AKAP6: variants seen among roughly 807,000 people sequenced by gnomAD.
AKAP6 encodes A-kinase anchoring protein 6.
AKAP6 carries 58 observed loss-of-function variants against 188.5 expected under a neutral mutation model. The ratio of observed to expected loss-of-function variants is 0.31; its 90% CI spans 0.25 to 0.38. AKAP6 has a LOEUF of 0.38. Ranked by LOEUF, AKAP6 falls within the 10% of genes least tolerant of loss-of-function variation. The pLI is 1.00. For missense variants in AKAP6, 2,710 were observed against 2,740.0 expected, an observed-to-expected ratio of 0.99 and a Z score of 0.24; for synonymous variants, 989 against 998.6, an observed-to-expected ratio of 0.99 and a Z score of 0.18.
chr14:32,535,535 T>C lies in AKAP6; in HGVS notation c.325-19T>C. On this transcript the variant is annotated intron_variant, in intron 2 of 13. Coordinates refer to ENST00000280979, the MANE Select transcript of AKAP6 (RefSeq NM_004274.5). ...TAAGGCAAAGTAGTCCTCACATATG[T>C]TGCTTTTCTTTACTGCAGGACATTT... The C allele has an allele frequency of 6.2e-7, 1 of 1,606,278 alleles. No individual in the cohort carries two copies. The highest frequency in any genetic ancestry group is 2.2e-5 in the East Asian group (1 of 44,690).
chr14:32,459,239 G>T (rs911568491), intron 2 of AKAP6, among the ~76,000 whole-genome samples: 2 of 152,158 alleles, frequency 1.3e-5, no homozygotes, highest in Non-Finnish European at 2.9e-5. Context: ...ATGTGGGTAA[G>T]GGGGAGGCAA....
At chr14:32,403,715 G>A (rs1393945065) in intron 1 of AKAP6, among the ~76,000 whole-genome samples, 1 of 152,150 alleles carries the variant, frequency 6.6e-6, no homozygotes, top group Non-Finnish European at 1.5e-5. Flanking sequence ...AACATTTAAA[G>A]CAGTGCTTTG....
At chr14:32,352,833 C>T (rs1327140697) in intron 1 of AKAP6, among the ~76,000 whole-genome samples, 1 of 152,182 alleles carries the variant, frequency 6.6e-6, no homozygotes, top group Non-Finnish European at 1.5e-5. Flanking sequence ...CGTATCTTGG[C>T]TATTGTGAAT....
At chr14:32,406,427 C>G (rs1039507740) in intron 1 of AKAP6, among the ~76,000 whole-genome samples, 1 of 152,116 alleles carries the variant, frequency 6.6e-6, no homozygotes, top group African/African-American at 2.4e-5. Flanking sequence ...CCAGGCTGGT[C>G]TTGGGCTCCT....
chr14:32,587,450 G>A (rs1319537244), intron 5 of AKAP6, among the ~76,000 whole-genome samples: 1 of 152,126 alleles, frequency 6.6e-6, no homozygotes, highest in Non-Finnish European at 1.5e-5. Context: ...TTCCAGTTCT[G>A]GAAAGACCAG....
chr14:32,708,632 T>G (rs1488476279), intron 9 of AKAP6, among the ~76,000 whole-genome samples: 1 of 148,878 alleles, frequency 6.7e-6, no homozygotes, highest in Non-Finnish European at 1.5e-5. Context: ...TGGCCATTAG[T>G]CATTTTTTTT....
intron 2 of AKAP6, among the ~76,000 whole-genome samples, chr14:32,496,577 A>T (rs900953148): frequency 3.4e-5 from 5 of 145,038 alleles, no homozygotes; most frequent in Non-Finnish European, 6.1e-5. Flanking sequence ...ACTTGAGATT[A>T]AAAAAAAAAA....
intron 2 of AKAP6, among the ~76,000 whole-genome samples, chr14:32,511,067 T>A (rs958186172): frequency 2.6e-5 from 4 of 152,210 alleles, no homozygotes; most frequent in Non-Finnish European, 4.4e-5. Context: ...AAATCCTTGA[T>A]ACAGTGTAAG....
chr14:32,370,372 G>A (rs1216541280), intron 1 of AKAP6, among the ~76,000 whole-genome samples: 2 of 152,194 alleles, frequency 1.3e-5, no homozygotes, highest in African/African-American at 4.8e-5. Flanking sequence ...AATTGATGGT[G>A]TTCTAGGTTC....
rs529960777 is a variant in AKAP6, at chr14:32,622,499, C to T, written c.2730+21707C>T. The stretch of plus-strand genomic sequence containing the variant: ...TAAGCCATAAGAAAAATATAAGGTG[C>T]TGACCCTAGGGACCAGGAAGTTAAA... On this transcript the variant is annotated intron_variant, in intron 7 of 13. Coordinates refer to ENST00000280979, the MANE Select transcript of AKAP6 (RefSeq NM_004274.5). Among the ~76,000 whole-genome samples the T allele has an allele frequency of 2.0e-5, 3 of 152,130 alleles. No individual in the cohort carries two copies. The South Asian group carries it at 6.2e-4, about 32-fold the overall frequency.
intron 7 of AKAP6, among the ~76,000 whole-genome samples, chr14:32,603,827 T>C (rs1176216542): frequency 6.6e-6 from 1 of 152,168 alleles, no homozygotes; most frequent in Non-Finnish European, 1.5e-5. Flanking sequence ...GAATTGGAAA[T>C]ACTGGAGGAT....
intron 10 of AKAP6, chr14:32,734,383 G>A (rs2031319864): frequency 6.6e-6 from 1 of 152,100 alleles, no homozygotes; most frequent in South Asian, 2.1e-4. Flanking sequence ...GTGAAATTGT[G>A]TCCCCTGTGC....
chr14:32,442,634 G>A (rs1031846006), intron 2 of AKAP6: 1 of 97,330 alleles, frequency 1.0e-5, no homozygotes, highest in East Asian at 2.3e-4. Context: ...GCAAGATCCC[G>A]TCTCTTAAAA....
chr14:32,639,545 T>C (rs958928595), intron 7 of AKAP6, among the ~76,000 whole-genome samples: 1 of 152,182 alleles, frequency 6.6e-6, no homozygotes, highest in African/African-American at 2.4e-5. Context: ...ACCAAGCTTT[T>C]GTGGAAACAA....
intron 2 of AKAP6, among the ~76,000 whole-genome samples, chr14:32,492,968 T>C (rs1488286124): frequency 6.6e-6 from 1 of 152,256 alleles, no homozygotes; most frequent in Admixed American, 6.5e-5. Context: ...GAATTTGCTT[T>C]GACTATGGGA....
intron 4 of AKAP6, among the ~76,000 whole-genome samples, chr14:32,567,779 C>G (rs1264693635): frequency 6.6e-6 from 1 of 152,162 alleles, no homozygotes; most frequent in East Asian, 1.9e-4. Context: ...AATAAAACAA[C>G]ATTTTCAGGT....
At position 32,626,454 on chromosome 14, in the gene AKAP6, C is replaced by T. The variant is rs529529818; in HGVS notation, c.2730+25662C>T. 5.9e-5 allele frequency among the ~76,000 whole-genome samples: 9 copies of T among 152,172 alleles called. No individual in the cohort carries two copies. In the South Asian group the frequency reaches 1.9e-3, roughly 32 times the overall value. ...TCAAACTCCAGCTCAGAAGCCTTGC[C>T]AATGAATAAACTCAAAATCCTTAAA... is the stretch of plus-strand genomic sequence containing the variant. On this transcript the variant is annotated intron_variant, in intron 7 of 13. Transcript: ENST00000280979.
intron 11 of AKAP6, among the ~76,000 whole-genome samples, chr14:32,771,774 A>G (rs996607281): frequency 6.6e-6 from 1 of 152,214 alleles, no homozygotes; most frequent in African/African-American, 2.4e-5. Flanking sequence ...TATTTTAAAG[A>G]CAGTTTTGCA....
intron 13 of AKAP6, among the ~76,000 whole-genome samples, chr14:32,827,351 T>G (rs2034699996): frequency 1.4e-5 from 2 of 141,268 alleles, no homozygotes; most frequent in South Asian, 2.3e-4. Context: ...ATTTGCTTGG[T>G]TTTTTTTTTT....
Sources: gnomAD v4.1 joint callset for allele counts (sites outside exome capture counted in the v4.1 genomes callset) on GRCh38, gnomAD v4.1.1 for gene constraint, MANE v1.5 for transcripts, NCBI Gene and HGNC (gene_info 2026-07-23, HGNC 2026-07-21) for gene names.